STK33: variants seen among roughly 807,000 people sequenced by gnomAD.
STK33 encodes serine/threonine-protein kinase 33.
A neutral mutation model predicts 58.0 loss-of-function variants in STK33; 52 were observed. The ratio of observed to expected loss-of-function variants is 0.90; its 90% CI spans 0.72 to 1.13. The LOEUF (loss-of-function observed/expected upper bound fraction) is 1.13, where lower values mean the gene tolerates loss of function less well. Among genes scored for constraint, STK33 ranks in the 50% most tolerant of loss-of-function variants. The pLI, the probability that STK33 is intolerant of heterozygous loss-of-function variation, is 0.00. For synonymous variants in STK33, 215 were observed against 200.1 expected (o/e 1.07, Z -0.63); for missense variants, 630 against 604.2 (o/e 1.04, Z -0.45).
chr11:8,556,445 AG>A (rs1956750006), intron 1 of STK33, among the ~76,000 whole-genome samples: 1 of 152,228 alleles, frequency 6.6e-6, no homozygotes, highest in African/African-American at 2.4e-5. Flanking sequence ...CTCATAGACT[AG>A]TACCTAATTA....
At position 8,473,246 on chromosome 11, in the gene STK33, C is replaced by A; in HGVS notation, c.256G>T (p.Ala86Ser). ...CCCCGACCCCATTGTTGCTGAGATGCTTTTCTCTCTACATTTGAGGTTCTT... is the reference window on the plus strand; with the variant it reads ...CCCCGACCCCATTGTTGCTGAGATGATTTTCTCTCTACATTTGAGGTTCTT... ...PSRTSNVERK[A>S]SQQQWGRGNF... The change falls in exon 6 of 16, where the codon GCA (alanine) becomes TCA (serine). Residue 86 changes from alanine to serine, a missense_variant. By Grantham distance (99) the Ala-to-Ser change is moderately conservative. Coordinates refer to ENST00000687296, the MANE Select transcript of STK33 (RefSeq NM_001352389.2). 1.2e-6 allele frequency: 2 copies of A among 1,612,082 alleles called. No individual in the cohort carries two copies. Among genetic ancestry groups the A allele is most frequent in the Non-Finnish European group, 1.7e-6 (2 of 1,179,418 alleles).
At chr11:8,385,597 C>T in the STK33 span, among the ~76,000 whole-genome samples, 2 of 152,158 alleles carry the variant, frequency 1.3e-5, no homozygotes, top group Admixed American at 6.5e-5. Flanking sequence ...AATTATTTTA[C>T]GCATTTGTAT....
chr11:8,485,964 T>C (rs555537147), intron 1 of STK33, among the ~76,000 whole-genome samples: 70 of 152,326 alleles, frequency 4.6e-4, no homozygotes, highest in African/African-American at 1.7e-3. Flanking sequence ...ACATTCAACA[T>C]TGACAAGTCC....
rs568054626 is a variant in STK33, at chr11:8,422,231, T to C, written c.1147-8539A>G. Among the ~76,000 whole-genome samples, 48 of 152,298 alleles carry C rather than the reference T, an allele frequency of 3.2e-4. 1 individual carries two copies. The South Asian group carries it at 9.5e-3, about 30-fold the overall frequency. ...TTCTCTGAAATGATCATATGATTTTTTCCTTTAATATATTAATGTGGGGAT... is the reference window on the plus strand; with the variant it reads ...TTCTCTGAAATGATCATATGATTTTCTCCTTTAATATATTAATGTGGGGAT... On this transcript the variant is annotated intron_variant, in intron 14 of 15. Transcript: ENST00000687296.
At chr11:8,450,052 G>GTA (rs558424068) in intron 11 of STK33, among the ~76,000 whole-genome samples, 81 of 152,186 alleles carry the variant, frequency 5.3e-4, no homozygotes, top group African/African-American at 1.9e-3. Context: ...CCATTACTGC[G>GTA]TATATATATA....
At chr11:8,574,113 C>T (rs969266236) in intron 1 of STK33, among the ~76,000 whole-genome samples, 1 of 152,180 alleles carries the variant, frequency 6.6e-6, no homozygotes, top group Non-Finnish European at 1.5e-5. Context: ...TCCCTATCCC[C>T]ACTCACCCCA....
chr11:8,376,020 A>G, the STK33 span, among the ~76,000 whole-genome samples: 12 of 152,360 alleles, frequency 7.9e-5, no homozygotes, highest in South Asian at 1.4e-3. Context: ...CAGGCTACTT[A>G]GATTTCCAGA....
chr11:8,560,961 T>C (rs1455866883), intron 1 of STK33, among the ~76,000 whole-genome samples: 1 of 152,188 alleles, frequency 6.6e-6, no homozygotes, highest in Non-Finnish European at 1.5e-5. Context: ...CGAAGATAAA[T>C]GGGAGTTCAA....
intron 11 of STK33, among the ~76,000 whole-genome samples, chr11:8,451,111 A>G (rs1166882210): frequency 6.6e-6 from 1 of 152,210 alleles, no homozygotes; most frequent in Non-Finnish European, 1.5e-5. Flanking sequence ...GAGAAACTGG[A>G]ACCCTCACAA....
At chr11:8,420,972 G>A (rs1323575269) in intron 14 of STK33, among the ~76,000 whole-genome samples, 1 of 150,622 alleles carries the variant, frequency 6.6e-6, no homozygotes. Context: ...AACAGAGCAA[G>A]GCCCTGTCTG....
At chr11:8,378,123 C>T in the STK33 span, among the ~76,000 whole-genome samples, 1 of 152,174 alleles carries the variant, frequency 6.6e-6, no homozygotes, top group Non-Finnish European at 1.5e-5. Context: ...TTCCGCAGGG[C>T]TAGGGAGGCC....
At chr11:8,488,998 C>T (rs1436222829) in intron 1 of STK33, among the ~76,000 whole-genome samples, 1 of 151,998 alleles carries the variant, frequency 6.6e-6, no homozygotes, top group Non-Finnish European at 1.5e-5. Context: ...GTGGCTCACG[C>T]CTATAAACCC....
chr11:8,567,864 T>C (rs1957551283), intron 1 of STK33, among the ~76,000 whole-genome samples: 1 of 152,218 alleles, frequency 6.6e-6, no homozygotes, highest in Non-Finnish European at 1.5e-5. Context: ...CACTTTTCTA[T>C]AATTAACTTA....
At chr11:8,429,500 T>G (rs1003856421) in intron 14 of STK33, among the ~76,000 whole-genome samples, 2 of 152,188 alleles carry the variant, frequency 1.3e-5, no homozygotes, top group African/African-American at 4.8e-5. Context: ...TTCTACTTAG[T>G]TACAAAATTA....
chr11:8,427,533 C>T (rs555130264), intron 14 of STK33, among the ~76,000 whole-genome samples: 7 of 152,090 alleles, frequency 4.6e-5, no homozygotes, highest in East Asian at 1.9e-4. Context: ...ATTTCTTAAA[C>T]GATTTCCTCC....
chr11:8,552,798 G>C (rs1433738352), intron 1 of STK33, among the ~76,000 whole-genome samples: 1 of 152,038 alleles, frequency 6.6e-6, no homozygotes, highest in Non-Finnish European at 1.5e-5. Context: ...GGACCTGCCT[G>C]AGGCTGCTTA....
At chr11:8,575,462 G>A (rs1224109568) in intron 1 of STK33, among the ~76,000 whole-genome samples, 2 of 152,168 alleles carry the variant, frequency 1.3e-5, no homozygotes, top group African/African-American at 4.8e-5. Flanking sequence ...GATGAACCAT[G>A]AAAACACTAT....
intron 14 of STK33, among the ~76,000 whole-genome samples, chr11:8,419,807 T>A (rs563032613): frequency 6.6e-6 from 1 of 152,304 alleles, no homozygotes; most frequent in Admixed American, 6.5e-5. Flanking sequence ...GTAAAGTATC[T>A]ACATAAAAAT....
At chr11:8,439,591 A>C (rs1944461710) in intron 12 of STK33, among the ~76,000 whole-genome samples, 1 of 151,668 alleles carries the variant, frequency 6.6e-6, no homozygotes, top group Non-Finnish European at 1.5e-5. Context: ...CCAGGAGAGA[A>C]TCTTACAGAG....
Sources: gnomAD v4.1 joint callset for allele counts (sites outside exome capture counted in the v4.1 genomes callset) on GRCh38, gnomAD v4.1.1 for gene constraint, MANE v1.5 for transcripts, NCBI Gene and HGNC (gene_info 2026-07-23, HGNC 2026-07-21) for gene names.